Variants in NUMB observed in about 807,000 individuals in gnomAD.
The protein encoded by NUMB is protein numb homolog.
Under a neutral mutation model 59.7 loss-of-function variants are expected in NUMB, and 29 were observed. The observed-to-expected ratio is 0.49, with a 90% CI of 0.36 to 0.66. The LOEUF is 0.66. Ranked by LOEUF, NUMB falls within the 30% of genes least tolerant of loss-of-function variation. The pLI, the probability that NUMB is intolerant of heterozygous loss-of-function variation, is 0.00. For synonymous variants in NUMB, 288 were observed against 288.2 expected, an observed-to-expected ratio of 1.00 and a Z score of 0.01; for missense variants, 723 against 822.0, an observed-to-expected ratio of 0.88 and a Z score of 1.47.
Position 73,279,362 on chromosome 14 carries a change from C to CGTAG in NUMB, c.1158_1159insCTAC (p.Val387LeufsTer8), listed in dbSNP as rs1566722904. 6.2e-7 allele frequency: 1 copy of CGTAG among 1,612,650 alleles called. No individual in the cohort carries two copies. Among genetic ancestry groups the CGTAG allele is most frequent in the Non-Finnish European group, 8.5e-7 (1 of 1,179,250 alleles). ...TTGGTTTCACGCACAGGCATTGCTACGGGTGCTAGAGCAGTATGGGCTGGC... is the reference window on the plus strand; with the variant it reads ...TTGGTTTCACGCACAGGCATTGCTACGTAGGGGTGCTAGAGCAGTATGGGCTGGC... On this transcript the variant is annotated frameshift_variant, in exon 12 of 13. Transcript: ENST00000555238. LOFTEE classifies it high-confidence loss of function.
intron 5 of NUMB, among the ~76,000 whole-genome samples, chr14:73,318,834 G>A (rs1459047920): frequency 6.6e-6 from 1 of 150,764 alleles, no homozygotes; most frequent in African/African-American, 2.5e-5. Context: ...ACACTATCTT[G>A]TTTAGTTATA....
intron 4 of NUMB, among the ~76,000 whole-genome samples, chr14:73,352,473 CACACATATATATAT>C (rs1893394590): frequency 4.4e-3 from 90 of 20,420 alleles, no homozygotes; most frequent in African/African-American, 0.013. Context: ...CACACACACA[CACACATATATATAT>C]ATATATATAT....
At chr14:73,351,657 AATACCGT>A (rs1893275807) in intron 4 of NUMB, among the ~76,000 whole-genome samples, 3 of 152,054 alleles carry the variant, frequency 2.0e-5, no homozygotes, top group Non-Finnish European at 2.9e-5. Flanking sequence ...GAGTATACTT[AATACCGT>A]TGAACTGTAC....
chr14:73,394,175 G>A lies in NUMB; in HGVS notation c.-101+15762C>T, dbSNP rs373832137. 1.4e-4 allele frequency among the ~76,000 whole-genome samples: 21 copies of A among 152,118 alleles called. No individual in the cohort carries two copies. The East Asian group carries it at 2.3e-3, about 17-fold the overall frequency. On this transcript the variant is annotated intron_variant, in intron 2 of 12. Coordinates refer to ENST00000555238, the MANE Select transcript of NUMB (RefSeq NM_001005743.2). The stretch of plus-strand genomic sequence containing the variant: ...TCACCATGTTGGCCAGGCTGGTCTC[G>A]AACTCGTGACCTCAGGTGATCAACC...
At position 73,292,717 on chromosome 14, in the gene NUMB, A is replaced by G. The variant is rs767525578; in HGVS notation, c.450+17T>C. ...ACTGAGAATACTCATCATGAAATAC[A>G]TATTTGCTGGACTCACTGTGTCCTT... On this transcript the variant is annotated intron_variant, in intron 8 of 12. Transcript: ENST00000555238. The G allele has an allele frequency of 2.5e-6, 4 of 1,613,302 alleles. No homozygotes were observed. Among genetic ancestry groups the G allele is most frequent in the Admixed American group, 3.3e-5 (2 of 59,904 alleles).
At chr14:73,327,049 T>TA (rs1472210490) in intron 4 of NUMB, among the ~76,000 whole-genome samples, 33 of 144,836 alleles carry the variant, frequency 2.3e-4, no homozygotes, top group South Asian at 4.6e-4. Flanking sequence ...ATAAGGAAAT[T>TA]TAAAAAAAAA....
chr14:73,456,427 G>A (rs187499415), intron 1 of NUMB, among the ~76,000 whole-genome samples: 4 of 152,262 alleles, frequency 2.6e-5, no homozygotes, highest in African/African-American at 7.2e-5. Flanking sequence ...TTTTTTAACT[G>A]TAAGAAATAT....
chr14:73,298,298 G>A (rs543066268), intron 6 of NUMB: 3 of 152,304 alleles, frequency 2.0e-5, no homozygotes, highest in Non-Finnish European at 4.4e-5. Flanking sequence ...GGGCTCAAGT[G>A]ATCCCCTTGT....
At chr14:73,377,122 A>C (rs1026415638) in intron 2 of NUMB, among the ~76,000 whole-genome samples, 1 of 152,246 alleles carries the variant, frequency 6.6e-6, no homozygotes, top group African/African-American at 2.4e-5. Flanking sequence ...ATGTAAAACT[A>C]TAAAGCTCCT....
intron 2 of NUMB, among the ~76,000 whole-genome samples, chr14:73,367,348 TAGAGAGAG>T (rs71112740): frequency 3.8e-5 from 4 of 105,328 alleles, no homozygotes; most frequent in Non-Finnish European, 6.8e-5. Context: ...TATATATATA[TAGAGAGAG>T]AGAGAGAGAG....
intron 4 of NUMB, among the ~76,000 whole-genome samples, chr14:73,339,305 G>C (rs1357723602): frequency 6.6e-6 from 1 of 152,134 alleles, no homozygotes; most frequent in Non-Finnish European, 1.5e-5. Context: ...CAATGGTCTG[G>C]TATCCTGTTA....
At chr14:73,446,435 G>A (rs138398323) in intron 1 of NUMB, among the ~76,000 whole-genome samples, 7,817 of 151,876 alleles carry the variant, frequency 0.051, 652 homozygotes, top group African/African-American at 0.18. Flanking sequence ...GTGAAACCCC[G>A]TCTCTACTAA....
chr14:73,444,664 C>A (rs1324918802), intron 1 of NUMB, among the ~76,000 whole-genome samples: 1 of 151,858 alleles, frequency 6.6e-6, no homozygotes, highest in African/African-American at 2.4e-5. Flanking sequence ...TCGAGACTTT[C>A]CTGGCCAACA....
chr14:73,401,003 G>A (rs1423092450), intron 2 of NUMB, among the ~76,000 whole-genome samples: 1 of 152,184 alleles, frequency 6.6e-6, no homozygotes, highest in Non-Finnish European at 1.5e-5. Context: ...CCCAATTTAT[G>A]GCTAATCAGC....
At chr14:73,404,497 T>G (rs957403367) in intron 2 of NUMB, among the ~76,000 whole-genome samples, 1 of 152,074 alleles carries the variant, frequency 6.6e-6, no homozygotes, top group Non-Finnish European at 1.5e-5. Context: ...TTTCAAGTGG[T>G]TTATATAAAA....
At chr14:73,282,915 T>C (rs534535625) in intron 10 of NUMB, among the ~76,000 whole-genome samples, 2 of 152,222 alleles carry the variant, frequency 1.3e-5, no homozygotes, top group African/African-American at 2.4e-5. Flanking sequence ...CTGGAGCCTT[T>C]AGTAATTCTG....
chr14:73,387,196 T>C (rs910107400), intron 2 of NUMB, among the ~76,000 whole-genome samples: 48 of 152,142 alleles, frequency 3.2e-4, no homozygotes, highest in African/African-American at 6.8e-4. Context: ...AGGTGTCTTA[T>C]TAAGTGACAT....
chr14:73,348,578 G>A (rs909607261), intron 4 of NUMB, among the ~76,000 whole-genome samples: 12 of 152,198 alleles, frequency 7.9e-5, no homozygotes, highest in Non-Finnish European at 1.0e-4. Flanking sequence ...AACTACCCAC[G>A]TGAGGGATTT....
chr14:73,410,491 C>G (rs1195057361), intron 1 of NUMB, among the ~76,000 whole-genome samples: 1 of 152,084 alleles, frequency 6.6e-6, no homozygotes, highest in African/African-American at 2.4e-5. Context: ...TTTATCATCT[C>G]TAAAAGGGGA....
Sources: allele counts gnomAD v4.1 joint callset (sites outside exome capture counted in the v4.1 genomes callset), GRCh38; gene constraint gnomAD v4.1.1; transcripts MANE v1.5; gene names NCBI Gene and HGNC (gene_info 2026-07-23, HGNC 2026-07-21).